Variants in CHMP7 observed in about 807,000 individuals in gnomAD.
CHMP7 encodes the protein charged multivesicular body protein 7.
CHMP7 carries 15 observed loss-of-function variants against 53.7 expected under a neutral mutation model. The observed-to-expected ratio is 0.28, with a 90% confidence interval of 0.19 to 0.43. CHMP7 has a LOEUF of 0.43. Among genes scored for constraint, CHMP7 ranks in the 20% least tolerant of loss-of-function variants. The pLI is 1.00. For missense variants in CHMP7, 527 were observed against 569.4 expected (o/e 0.93, Z 0.76); for synonymous variants, 261 against 228.0 (o/e 1.14, Z -1.30).
At position 23,249,288 on chromosome 8, in the gene CHMP7, C is replaced by G; in HGVS notation, c.378C>G (p.Phe126Leu). The G allele has an allele frequency of 6.2e-7, 1 of 1,613,320 alleles. No homozygotes were observed. The highest frequency in any genetic ancestry group is 2.2e-5 in the East Asian group (1 of 44,840). The change falls in exon 3 of 11, where the codon TTC becomes TTG. Residue 126 changes from phenylalanine to leucine, a missense_variant. Transcript: ENST00000397677. ...SSWISWGVGV[F>L]LLKPLKWTLS... Reference sequence around the variant, plus strand: ...GGATCTCCTGGGGGGTTGGGGTCTTCCTGCTGAAGCCTCTCAAGTGGACTC... The same window carrying G: ...GGATCTCCTGGGGGGTTGGGGTCTTGCTGCTGAAGCCTCTCAAGTGGACTC...
rs763994535 is a variant in CHMP7, at chr8:23,255,361, A to G, written c.586A>G (p.Thr196Ala). ...LCANSCPDER[T>A]FYLVLLQLQK... ...TGCTAACTCCTGCCCAGATGAGAGG[A>G]CCTTCTACTTGGTGTTGCTGCAGCT... Residue 196 changes from threonine (T) to alanine (A), a missense_variant, in exon 4 of 11, where the codon ACC becomes GCC. Transcript: ENST00000397677. 6.2e-7 allele frequency: 1 copy of G among 1,614,126 alleles called. No homozygotes were observed.
At chr8:23,248,395 G>A (rs893711621) in intron 2 of CHMP7, among the ~76,000 whole-genome samples, 2 of 152,186 alleles carry the variant, frequency 1.3e-5, no homozygotes, top group African/African-American at 4.8e-5. Flanking sequence ...CCACGGAGGC[G>A]ACGTGGCATA....
In CHMP7 at chr8:23,258,062, G is replaced by A. The variant is rs1421119788; in HGVS notation, c.821G>A (p.Arg274Gln). ...RCKEEARRAC[R>Q]AGKKQLALRS... ...AAAGAAGAAGCCCGCCGGGCATGCC[G>A]AGCAGGAAAGAAGCAGCTGGTGAGT... The change falls in exon 6 of 11, where the codon CGA (arginine) becomes CAA (glutamine). Residue 274 changes from arginine to glutamine, a missense_variant. Arg to Gln is a conservative substitution (Grantham distance 43). Transcript: ENST00000397677. 2.5e-6 allele frequency: 4 copies of A among 1,613,258 alleles called. No homozygotes were observed. Among genetic ancestry groups the A allele is most frequent in the Admixed American group, 1.7e-5 (1 of 59,948 alleles).
In CHMP7 at chr8:23,256,497, C is replaced by T. The variant is rs1460382009; in HGVS notation, c.695C>T (p.Ser232Phe). 6.2e-7 allele frequency: 1 copy of T among 1,609,034 alleles called. No homozygotes were observed. ...KFARGPRAKVSPVNDVDVGVY... is the reference protein window; with the variant it reads ...KFARGPRAKVFPVNDVDVGVY... ...GCCCGAGGGCCACGTGCCAAGGTCT[C>T]TCCAGTCAATGACGTAGATGTTGGG... The change falls in exon 5 of 11, where the codon TCT (serine) becomes TTT (phenylalanine). Residue 232 changes from serine (S) to phenylalanine (F), a missense_variant. Physicochemically the swap from Ser to Phe is radical, Grantham distance 155. Coordinates refer to ENST00000397677, the MANE Select transcript of CHMP7 (RefSeq NM_152272.5).
chr8:23,253,486 C>T (rs1802005705), intron 3 of CHMP7, among the ~76,000 whole-genome samples: 1 of 152,090 alleles, frequency 6.6e-6, no homozygotes, highest in Admixed American at 6.6e-5. Context: ...GGGGTTTCAC[C>T]CTGTTGGCCA....
At chr8:23,255,566 G>A in intron 4 of CHMP7, 134 bp downstream of exon 4, 3 of 738,182 alleles carry the variant, frequency 4.1e-6, no homozygotes, top group Non-Finnish European at 2.3e-6. Context: ...AAAATAATAA[G>A]TGGAAAATTC....
Position 23,258,756 on chromosome 8 carries a change from G to T in CHMP7, c.985G>T (p.Val329Leu), listed in dbSNP as rs919137520. The T allele has an allele frequency of 6.2e-7, 1 of 1,613,384 alleles. No individual in the cohort carries two copies. The highest frequency in any genetic ancestry group is 1.3e-5 in the African/African-American group (1 of 74,864). The change falls in exon 8 of 11, where the codon GTA (valine) becomes TTA (leucine). Residue 329 changes from valine (V) to leucine (L), a missense_variant. By Grantham distance (32) the Val-to-Leu change is conservative. Coordinates refer to ENST00000397677, the MANE Select transcript of CHMP7 (RefSeq NM_152272.5). ...GGTTTTTAACGCCTACCAGGCTGGG[G>T]TAGGAGCACTCAAACTCTCCATGAA... ...QMVFNAYQAG[V>L]GALKLSMKDV...
In CHMP7 at chr8:23,244,439, G is replaced by A. The variant is rs1801619328; in HGVS notation, c.-441+595G>A. Among the ~76,000 whole-genome samples the A allele has an allele frequency of 2.0e-5, 3 of 152,054 alleles. No homozygotes were observed. The South Asian group carries it at 6.2e-4, about 31-fold the overall frequency. ...TTGTATTGCCTTTCTTTTTTCGAAA[G>A]GTCAGTTGACTGTATTTACATGTGC... On this transcript the variant is annotated intron_variant, in intron 1 of 10. Coordinates refer to ENST00000397677, the MANE Select transcript of CHMP7 (RefSeq NM_152272.5).
At chr8:23,258,476 T>C in intron 7 of CHMP7, 27 bp downstream of exon 7, 1 of 1,613,290 alleles carries the variant, frequency 6.2e-7, no homozygotes, top group Non-Finnish European at 8.5e-7. Context: ...ACTCCAGCAC[T>C]TGGCTGGTCT....
chr8:23,257,464 C>T (rs907125678), intron 5 of CHMP7, among the ~76,000 whole-genome samples: 5 of 152,228 alleles, frequency 3.3e-5, no homozygotes, highest in African/African-American at 1.2e-4. Flanking sequence ...CTCTTCCTTG[C>T]CAGTGTCCAT....
Position 23,260,525 on chromosome 8 carries a change from C to A in CHMP7, c.1301-13C>A. On this transcript the variant is annotated splice_polypyrimidine_tract_variant and intron_variant, in intron 10 of 10. Transcript: ENST00000397677. ...TTCCTGTTATAGTGTTCAGTCATTT[C>A]TTTGCCTTGCAGGTTTGGTCCCAAG... is the stretch of plus-strand genomic sequence containing the variant. 3 of 1,609,370 alleles carry A rather than the reference C, an allele frequency of 1.9e-6. No homozygotes were observed. The highest frequency in any genetic ancestry group is 2.6e-6 in the Non-Finnish European group (3 of 1,176,030).
intron 3 of CHMP7, chr8:23,255,021 C>T: frequency 1.7e-6 from 1 of 582,012 alleles, no homozygotes; most frequent in Non-Finnish European, 3.1e-6. Flanking sequence ...AGAGCTGGCT[C>T]CCAGCATCTC....
At position 23,246,987 on chromosome 8, in the gene CHMP7, C is replaced by T; in HGVS notation, c.292C>T (p.Leu98=). The T allele has an allele frequency of 6.5e-7, 1 of 1,532,232 alleles. No individual in the cohort carries two copies. Among genetic ancestry groups the T allele is most frequent in the South Asian group, 1.2e-5 (1 of 83,632 alleles). The allele number at this position is 1,532,232 out of a possible 1,614,324, so 94.9% of individuals were successfully genotyped here. A position where few individuals can be genotyped will look rare whatever the true frequency, so the allele number is the denominator to read the frequency against. Residue 98 remains leucine, a synonymous_variant, in exon 2 of 11, where the codon CTG becomes TTG. Transcript: ENST00000397677. ...PLGLATVLQD[L]LRRGELQRES... ...GGGGCTGGCCACGGTGCTGCAGGAC[C>T]TGCTGCGGTGAGGGGCGGGCTGGGG...
At chr8:23,249,760 C>G (rs1801846870) in intron 3 of CHMP7, among the ~76,000 whole-genome samples, 1 of 152,184 alleles carries the variant, frequency 6.6e-6, no homozygotes, top group African/African-American at 2.4e-5. Context: ...CTCAGCTCCA[C>G]TTTCCTACTT....
chr8:23,259,298 A>G (rs898909793), intron 9 of CHMP7, among the ~76,000 whole-genome samples, 172 bp downstream of exon 9: 2 of 144,216 alleles, frequency 1.4e-5, no homozygotes, highest in African/African-American at 2.6e-5. Flanking sequence ...CCTCCCAAGT[A>G]GCTGGGACTA....
Position 23,260,866 on chromosome 8 carries a change from C to T in CHMP7, c.*267C>T. On this transcript the variant is annotated 3_prime_UTR_variant, in exon 11 of 11. Coordinates refer to ENST00000397677, the MANE Select transcript of CHMP7 (RefSeq NM_152272.5). The stretch of plus-strand genomic sequence containing the variant: ...CAGTCCTGTGTCTGACCTGTCATTT[C>T]ATAGCCTGCAGTTCTTGCCATTGGC... The T allele has an allele frequency of 2.0e-6, 1 of 494,276 alleles. No individual in the cohort carries two copies. Among genetic ancestry groups the T allele is most frequent in the Non-Finnish European group, 3.6e-6 (1 of 278,350 alleles). 30.6% of individuals were successfully genotyped at this position (494,276 alleles called of 1,614,324 possible). A position where few individuals can be genotyped will look rare whatever the true frequency, so the allele number is the denominator to read the frequency against.
intron 8 of CHMP7, 35 bp from the exon 9 acceptor site, chr8:23,259,031 T>C (rs533496712): frequency 1.4e-6 from 2 of 1,442,040 alleles, no homozygotes; most frequent in Admixed American, 3.3e-5. Context: ...AGAGCCACCA[T>C]GCCCAGCTCA....
intron 6 of CHMP7, 55 bp from the exon 7 acceptor site, chr8:23,258,275 C>CTCTT: frequency 6.2e-7 from 1 of 1,610,782 alleles, no homozygotes; most frequent in Non-Finnish European, 8.5e-7. Context: ...GGCTGTCTTC[C>CTCTT]TCTTGCCCTT....
At chr8:23,257,041 C>T (rs1473223607) in intron 5 of CHMP7, among the ~76,000 whole-genome samples, 4 of 151,536 alleles carry the variant, frequency 2.6e-5, no homozygotes, top group South Asian at 2.1e-4. Context: ...ATCCGCCCGC[C>T]TCTGCCTCCC....
Sources: allele counts gnomAD v4.1 joint callset (sites outside exome capture counted in the v4.1 genomes callset), GRCh38; gene constraint gnomAD v4.1.1; transcripts MANE v1.5; gene names NCBI Gene and HGNC (gene_info 2026-07-23, HGNC 2026-07-21).